Variants in ST6GALNAC5 observed in about 807,000 individuals in gnomAD.
ST6GALNAC5 encodes ST6 N-acetylgalactosaminide alpha-2,6-sialyltransferase 5, also known as alpha-N-acetylgalactosaminide alpha-2,6-sialyltransferase 5.
In ST6GALNAC5, 27 loss-of-function variants were observed where a neutral mutation model predicts 33.6. The ratio of observed to expected loss-of-function variants is 0.80; its 90% CI spans 0.59 to 1.11. The LOEUF (loss-of-function observed/expected upper bound fraction) is 1.11, where lower values mean the gene tolerates loss of function less well. ST6GALNAC5 is among the 50% of genes least tolerant of loss of function. The pLI is 0.00. For synonymous variants in ST6GALNAC5, 194 were observed against 171.2 expected (o/e 1.13, Z -1.04); for missense variants, 428 against 454.0 (o/e 0.94, Z 0.52).
At chr1:76,972,841 T>C (rs1648818946) in intron 2 of ST6GALNAC5, among the ~76,000 whole-genome samples, 1 of 152,194 alleles carries the variant, frequency 6.6e-6, no homozygotes, top group Non-Finnish European at 1.5e-5. Flanking sequence ...GCCTAATACA[T>C]TTAGATTTTT....
At chr1:76,937,938 G>A (rs1252592) in intron 2 of ST6GALNAC5, among the ~76,000 whole-genome samples, 87,169 of 151,764 alleles carry the variant, frequency 0.57, 25,292 homozygotes, top group South Asian at 0.6. Flanking sequence ...TTTCACACAC[G>A]TATGTTTCCT....
intron 2 of ST6GALNAC5, among the ~76,000 whole-genome samples, chr1:76,954,243 C>G (rs998809004): frequency 1.3e-5 from 2 of 152,080 alleles, no homozygotes; most frequent in Admixed American, 1.3e-4. Flanking sequence ...ATGGATGGAG[C>G]TGGAAGCCAT....
At chr1:76,996,332 A>G (rs576157625) in intron 2 of ST6GALNAC5, among the ~76,000 whole-genome samples, 29 of 152,334 alleles carry the variant, frequency 1.9e-4, no homozygotes, top group African/African-American at 6.7e-4. Flanking sequence ...CACAACAGAG[A>G]TGTATTAAGT....
intron 2 of ST6GALNAC5, among the ~76,000 whole-genome samples, chr1:76,886,142 A>G (rs1465418385): frequency 6.6e-6 from 1 of 152,142 alleles, no homozygotes; most frequent in Non-Finnish European, 1.5e-5. Flanking sequence ...ACTTTGACAT[A>G]TTGTCCTTCC....
intron 2 of ST6GALNAC5, among the ~76,000 whole-genome samples, chr1:77,029,796 A>G (rs1279598715): frequency 1.3e-5 from 2 of 152,260 alleles, no homozygotes; most frequent in Non-Finnish European, 2.9e-5. Context: ...GCTTAAAACA[A>G]CATAAGCACA....
At chr1:76,895,265 G>T (rs916376583) in intron 2 of ST6GALNAC5, among the ~76,000 whole-genome samples, 2 of 151,690 alleles carry the variant, frequency 1.3e-5, no homozygotes, top group African/African-American at 4.8e-5. Flanking sequence ...TGAAATAGTG[G>T]TAAAGTGTTG....
intron 2 of ST6GALNAC5, among the ~76,000 whole-genome samples, chr1:76,877,211 G>A (rs757089195): frequency 6.6e-5 from 10 of 152,160 alleles, no homozygotes; most frequent in Non-Finnish European, 1.5e-4. Context: ...AATCCTAGAG[G>A]CCTCTGCGGT....
intron 2 of ST6GALNAC5, among the ~76,000 whole-genome samples, chr1:76,992,063 C>T (rs11804149): frequency 0.39 from 59,789 of 151,876 alleles, 12,910 homozygotes; most frequent in Non-Finnish European, 0.47. Flanking sequence ...TAGGGGTCAG[C>T]TTCCCAAACC....
intron 2 of ST6GALNAC5, among the ~76,000 whole-genome samples, chr1:76,933,352 G>A (rs2100313126): frequency 6.6e-6 from 1 of 152,100 alleles, no homozygotes; most frequent in African/African-American, 2.4e-5. Flanking sequence ...TCCAGATAAG[G>A]ACCCCTGCTT....
chr1:76,915,488 A>G (rs544156357), intron 2 of ST6GALNAC5, among the ~76,000 whole-genome samples: 1 of 152,334 alleles, frequency 6.6e-6, no homozygotes, highest in East Asian at 1.9e-4. Context: ...TCTGGCATAT[A>G]TACACCATGG....
chr1:76,987,645 C>A (rs917352026), intron 2 of ST6GALNAC5, among the ~76,000 whole-genome samples: 1 of 152,104 alleles, frequency 6.6e-6, no homozygotes, highest in Admixed American at 6.6e-5. Context: ...TATGAATGTT[C>A]ATAGCAGCAC....
At chr1:76,884,969 T>C (rs546483956) in intron 2 of ST6GALNAC5, among the ~76,000 whole-genome samples, 8 of 152,288 alleles carry the variant, frequency 5.3e-5, no homozygotes, top group Non-Finnish European at 7.4e-5. Context: ...CAAGGAGTTA[T>C]ACATCGCAAT....
At chr1:77,043,202 T>C (rs1343738245) in intron 2 of ST6GALNAC5, among the ~76,000 whole-genome samples, 1 of 152,292 alleles carries the variant, frequency 6.6e-6, no homozygotes, top group African/African-American at 2.4e-5. Flanking sequence ...TGTTATTTTC[T>C]TGTACATTTG....
intron 3 of ST6GALNAC5, among the ~76,000 whole-genome samples, chr1:77,049,422 A>G (rs1450659104): frequency 1.3e-5 from 2 of 152,174 alleles, no homozygotes; most frequent in Non-Finnish European, 2.9e-5. Flanking sequence ...TAATATCCAC[A>G]GTAGTGTAGC....
chr1:76,914,627 A>T (rs1248804065), intron 2 of ST6GALNAC5, among the ~76,000 whole-genome samples: 9 of 152,294 alleles, frequency 5.9e-5, no homozygotes, highest in South Asian at 2.1e-4. Flanking sequence ...CTGGGAAAAC[A>T]GGCTAGCCAT....
At chr1:76,967,577 A>G (rs1388405044) in intron 2 of ST6GALNAC5, among the ~76,000 whole-genome samples, 1 of 152,020 alleles carries the variant, frequency 6.6e-6, no homozygotes, top group Admixed American at 6.5e-5. Context: ...TTGTGTCTCT[A>G]TCTCTTTCAG....
At chr1:77,051,374 A>T (rs1652212539) in intron 4 of ST6GALNAC5, among the ~76,000 whole-genome samples, 1 of 152,160 alleles carries the variant, frequency 6.6e-6, no homozygotes, top group Non-Finnish European at 1.5e-5. Context: ...AAAGGAGGAG[A>T]GAGAGGTACA....
intron 2 of ST6GALNAC5, among the ~76,000 whole-genome samples, chr1:76,900,744 C>CTTTCTTATGTTTCTTGCATG (rs1646809847): frequency 6.6e-6 from 1 of 152,074 alleles, no homozygotes; most frequent in African/African-American, 2.4e-5. Flanking sequence ...GAAGAATAAC[C>CTTTCTTATGTTTCTTGCATG]TTTCTTATGT....
At chr1:76,974,773 C>CTTTTTTTTTTTTTTTTTTT (rs60357939) in intron 2 of ST6GALNAC5, among the ~76,000 whole-genome samples, 2 of 35,240 alleles carry the variant, frequency 5.7e-5, no homozygotes, top group Non-Finnish European at 9.3e-5. Flanking sequence ...TTCTTTCTTT[C>CTTTTTTTTTTTTTTTTTTT]TTTTTTTTTT....
Sources: allele counts gnomAD v4.1 joint callset (sites outside exome capture counted in the v4.1 genomes callset), GRCh38; gene constraint gnomAD v4.1.1; transcripts MANE v1.5; gene names NCBI Gene and HGNC (gene_info 2026-07-23, HGNC 2026-07-21).